The following GPHN variants were observed in gnomAD, a reference collection of about 807,000 sequenced individuals.
GPHN encodes gephyrin.
In GPHN, 17 loss-of-function variants were observed where a neutral mutation model predicts 95.5. The ratio of observed to expected loss-of-function variants is 0.18; its 90% CI spans 0.12 to 0.27. The LOEUF is 0.27. GPHN is among the 10% of genes least tolerant of loss of function. The probability of loss-of-function intolerance (pLI) is 1.00; values close to 1 mark genes in which losing one functional copy is unlikely to be tolerated. For synonymous variants in GPHN, 320 were observed against 322.5 expected, an observed-to-expected ratio of 0.99 and a Z score of 0.08; for missense variants, 660 against 978.1, an observed-to-expected ratio of 0.67 and a Z score of 4.34.
At chr14:66,555,133 AAAG>A (rs1419416519) in intron 1 of GPHN, among the ~76,000 whole-genome samples, 1 of 151,406 alleles carries the variant, frequency 6.6e-6, no homozygotes, top group Non-Finnish European at 1.5e-5. Context: ...AAAAAAAACA[AAAG>A]AAGCGTAAGT....
At chr14:66,547,516 G>A (rs1050024569) in intron 1 of GPHN, among the ~76,000 whole-genome samples, 1 of 152,076 alleles carries the variant, frequency 6.6e-6, no homozygotes, top group Non-Finnish European at 1.5e-5. Flanking sequence ...GACAAGTTTT[G>A]GCAAGGACAA....
chr14:66,879,663 T>C lies in GPHN; in HGVS notation c.295-276T>C, dbSNP rs73273269. Among the ~76,000 whole-genome samples the C allele has an allele frequency of 9.5e-3, 1,448 of 152,184 alleles. 25 individuals are homozygous for C. Among genetic ancestry groups the C allele is most frequent in the African/African-American group, 0.033 (1,366 of 41,540 alleles). The stretch of plus-strand genomic sequence containing the variant: ...GGCCACATTTTTAGAATTTAAGTTA[T>C]TAGTGAGATGAGATTTCTATCAAAT... On this transcript the variant is annotated intron_variant, in intron 4 of 22. Coordinates refer to ENST00000478722, the MANE Select transcript of GPHN (RefSeq NM_020806.5).
the GPHN span, among the ~76,000 whole-genome samples, chr14:67,309,229 CA>C: frequency 6.6e-6 from 1 of 152,030 alleles, no homozygotes; most frequent in Middle Eastern, 3.4e-3. Flanking sequence ...GTATGAGAAA[CA>C]AAATAATTTT....
At chr14:67,049,904 C>A (rs192210744) in intron 10 of GPHN, among the ~76,000 whole-genome samples, 1,832 of 152,272 alleles carry the variant, frequency 0.012, 19 homozygotes, top group Non-Finnish European at 0.018. Flanking sequence ...TAAAAAGGTG[C>A]TTAATTGATA....
the GPHN span, among the ~76,000 whole-genome samples, chr14:67,451,531 A>C: frequency 1.9e-4 from 29 of 152,316 alleles, no homozygotes; most frequent in African/African-American, 6.0e-4. Flanking sequence ...GAGACATGGA[A>C]TCAAAAGAGA....
At position 67,096,667 on chromosome 14, in the gene GPHN, G is replaced by A. The variant is rs1050039247; in HGVS notation, c.1238-4189G>A. Among the ~76,000 whole-genome samples, 4 of 147,020 alleles carry A rather than the reference G, an allele frequency of 2.7e-5. No individual in the cohort carries two copies. The Admixed American group carries it at 2.7e-4, about 10-fold the overall frequency. ...ATCTCGCTATGTTGCTCTGGCTGGA[G>A]TGTAGTGGTACAATCCCAGCTCACT... On this transcript the variant is annotated intron_variant, in intron 12 of 22. Transcript: ENST00000478722.
At chr14:67,392,087 G>A in the GPHN span, among the ~76,000 whole-genome samples, 1 of 152,224 alleles carries the variant, frequency 6.6e-6, no homozygotes. Flanking sequence ...AATTGTGTGT[G>A]TGTGTAGTAC....
At chr14:66,719,734 G>A (rs1210174071) in intron 2 of GPHN, among the ~76,000 whole-genome samples, 1 of 152,148 alleles carries the variant, frequency 6.6e-6, no homozygotes, top group Non-Finnish European at 1.5e-5. Flanking sequence ...AAGAGATTCT[G>A]ATTCATTAAC....
intron 16 of GPHN, among the ~76,000 whole-genome samples, chr14:67,115,437 T>C (rs2026652): frequency 2.0e-5 from 3 of 152,280 alleles, no homozygotes; most frequent in South Asian, 4.1e-4. Context: ...TTTCCTTTGA[T>C]ACATATGGTT....
the GPHN span, among the ~76,000 whole-genome samples, chr14:67,288,123 A>G: frequency 6.6e-6 from 1 of 151,886 alleles, no homozygotes; most frequent in Non-Finnish European, 1.5e-5. Flanking sequence ...TCTGTCGCCC[A>G]GGCTGGAGTG....
At chr14:67,298,532 C>G in the GPHN span, among the ~76,000 whole-genome samples, 2 of 150,426 alleles carry the variant, frequency 1.3e-5, no homozygotes, top group African/African-American at 4.9e-5. Flanking sequence ...AAAAAAAATA[C>G]TATTATAAAA....
chr14:66,820,213 G>GA (rs2061138387), intron 3 of GPHN, among the ~76,000 whole-genome samples: 4 of 151,828 alleles, frequency 2.6e-5, no homozygotes, highest in African/African-American at 9.7e-5. Flanking sequence ...ATGATTTTCA[G>GA]AAAAAAACTG....
the GPHN span, among the ~76,000 whole-genome samples, chr14:67,195,880 T>C: frequency 6.6e-6 from 1 of 151,842 alleles, no homozygotes; most frequent in African/African-American, 2.4e-5. Flanking sequence ...AGTGGGCCTA[T>C]ATTGAGAGAC....
the GPHN span, among the ~76,000 whole-genome samples, chr14:67,286,349 T>C: frequency 6.6e-6 from 1 of 152,206 alleles, no homozygotes. Flanking sequence ...GGGAATTTCT[T>C]CTCTCTGTCC....
At chr14:67,589,266 A>C in the GPHN span, 41 of 833,518 alleles carry the variant, frequency 4.9e-5, no homozygotes, top group South Asian at 1.5e-3. Flanking sequence ...GGAACCCTTT[A>C]GTTTATTAAT....
chr14:67,383,269 A>G, the GPHN span: 88 of 1,591,986 alleles, frequency 5.5e-5, no homozygotes, highest in African/African-American at 8.4e-4. Flanking sequence ...TTAAATTTGT[A>G]TAGTATTTAC....
chr14:66,618,628 C>A (rs1178449944), intron 1 of GPHN, among the ~76,000 whole-genome samples: 1 of 152,032 alleles, frequency 6.6e-6, no homozygotes, highest in African/African-American at 2.4e-5. Flanking sequence ...TGTCCTTGGT[C>A]ATTTGGTTTC....
the GPHN span, among the ~76,000 whole-genome samples, chr14:67,617,744 G>A: frequency 6.6e-6 from 1 of 152,146 alleles, no homozygotes; most frequent in Non-Finnish European, 1.5e-5. Flanking sequence ...TTTTGAGACA[G>A]AGTTTTGCTC....
At chr14:67,203,130 C>T in the GPHN span, 10 of 1,613,744 alleles carry the variant, frequency 6.2e-6, no homozygotes, top group East Asian at 1.1e-4. Flanking sequence ...CCTTCATAAC[C>T]GAGCCAACTG....
Sources: gnomAD v4.1 joint callset for allele counts (sites outside exome capture counted in the v4.1 genomes callset) on GRCh38, gnomAD v4.1.1 for gene constraint, MANE v1.5 for transcripts, NCBI Gene and HGNC (gene_info 2026-07-23, HGNC 2026-07-21) for gene names.